The following GREB1 variants were observed in gnomAD, a reference collection of about 807,000 sequenced individuals.
GREB1 encodes the protein growth regulating estrogen receptor binding 1, also known as protein GREB1.
Under a neutral mutation model 200.7 loss-of-function variants are expected in GREB1, and 106 were observed. The observed-to-expected ratio is 0.53, with a 90% confidence interval of 0.45 to 0.62. The LOEUF is 0.62. GREB1 is among the 20% of genes least tolerant of loss of function. The pLI, the probability that GREB1 is intolerant of heterozygous loss-of-function variation, is 0.00. For missense variants in GREB1, 2,243 were observed against 2,556.8 expected, an observed-to-expected ratio of 0.88 and a Z score of 2.65; for synonymous variants, 1,132 against 1,092.4, an observed-to-expected ratio of 1.04 and a Z score of -0.72.
rs369760105 is a variant in GREB1 at position 11,627,036 on chromosome 2, G to C, written c.4381G>C (p.Ala1461Pro). 1 of 1,613,828 alleles carries C rather than the reference G, an allele frequency of 6.2e-7. No individual in the cohort carries two copies. The highest frequency in any genetic ancestry group is 2.2e-5 in the East Asian group (1 of 44,892). ...GGCACGGATGAGACTGTCCAAGTAC[G>C]CAGCGTACAACACTTACCACCACTG... ...QTARMRLSKYAAYNTYHHCEQ... is the reference protein window; with the variant it reads ...QTARMRLSKYPAYNTYHHCEQ... Residue 1461 changes from alanine to proline, a missense_variant, in exon 25 of 33, where the codon GCA becomes CCA. By Grantham distance (27) the Ala-to-Pro change is conservative (BLOSUM62 -1). Transcript: ENST00000381486.
At chr2:11,587,791 G>A (rs902442298) in intron 9 of GREB1, 6 of 1,094,784 alleles carry the variant, frequency 5.5e-6, no homozygotes, top group African/African-American at 4.9e-5. Context: ...TAGCTTCACC[G>A]CTTCACCTGG....
intron 19 of GREB1, among the ~76,000 whole-genome samples, chr2:11,613,038 T>C (rs1683077681): frequency 6.6e-6 from 1 of 152,202 alleles, no homozygotes; most frequent in South Asian, 2.1e-4. Context: ...GCCTGGGCCC[T>C]CCCGGCTTAG....
intron 2 of GREB1, chr2:11,561,271 A>G (rs551617025): frequency 6.6e-6 from 1 of 151,692 alleles, no homozygotes; most frequent in Non-Finnish European, 1.5e-5. Context: ...CTACATCCAT[A>G]CCATACCTGA....
intron 3 of GREB1, among the ~76,000 whole-genome samples, chr2:11,563,734 A>G (rs1164342171): frequency 6.6e-6 from 1 of 152,216 alleles, no homozygotes; most frequent in East Asian, 1.9e-4. Flanking sequence ...AATGCCTACT[A>G]TGTTCAGGCA....
At chr2:11,506,935 G>A (rs1673196909) in intron 1 of GREB1, among the ~76,000 whole-genome samples, 1 of 152,134 alleles carries the variant, frequency 6.6e-6, no homozygotes, top group African/African-American at 2.4e-5. Flanking sequence ...AATACAACAT[G>A]TGTTACATCC....
Position 11,640,310 on chromosome 2 carries a change from C to A in GREB1, c.5706C>A (p.Ile1902=). The A allele has an allele frequency of 6.2e-7, 1 of 1,612,786 alleles. No homozygotes were observed. Among genetic ancestry groups the A allele is most frequent in the Non-Finnish European group, 8.5e-7 (1 of 1,179,360 alleles). Residue 1902 remains isoleucine, a synonymous_variant, in exon 33 of 33, where the codon ATC becomes ATA. Coordinates refer to ENST00000381486, the MANE Select transcript of GREB1 (RefSeq NM_014668.4). The surrounding 1 kb of genome is among the most constrained non-coding windows in gnomAD (Gnocchi z 4.6). The part of the protein sequence containing the change: ...HFLKGATLCV[I]CQDRSSLRQT... Reference sequence around the variant, plus strand: ...ACGCAGGTGCGACGTTGTGTGTCATCTGTCAGGACCGGAGCTCACTGCGCC... The same window carrying A: ...ACGCAGGTGCGACGTTGTGTGTCATATGTCAGGACCGGAGCTCACTGCGCC...
intron 1 of GREB1, among the ~76,000 whole-genome samples, chr2:11,528,507 T>C (rs560938292): frequency 2.0e-5 from 3 of 152,338 alleles, no homozygotes; most frequent in East Asian, 3.9e-4. Flanking sequence ...AATTTTTTTT[T>C]TGAGATTGAG....
intron 22 of GREB1, among the ~76,000 whole-genome samples, chr2:11,619,246 G>C (rs954033095): frequency 6.6e-6 from 1 of 152,158 alleles, no homozygotes; most frequent in Non-Finnish European, 1.5e-5. Flanking sequence ...CAAAACTCTG[G>C]GTTCTCCACT....
rs898928927 is a variant in GREB1, at chr2:11,585,771, G to C, written c.1025G>C (p.Gly342Ala). ...TCTTGGGTGTTCCTAGAGAGCGCAG[G>C]CATGTCCTGCGTGCCGCAGGTTGGC... ...GGNRAKYESAGMSCVPQVGLV... is the reference protein window; with the variant it reads ...GGNRAKYESAAMSCVPQVGLV... Residue 342 changes from glycine to alanine, a missense_variant, in exon 9 of 33, where the codon GGC (glycine) becomes GCC (alanine). Physicochemically the swap from Gly to Ala is moderately conservative, Grantham distance 60. This residue lies in a region of GREB1 where 1,178 missense variants were observed against 1,387.4 expected (regional missense o/e 0.85). Coordinates refer to ENST00000381486, the MANE Select transcript of GREB1 (RefSeq NM_014668.4). 3 of 1,612,960 alleles carry C rather than the reference G, an allele frequency of 1.9e-6. No homozygotes were observed. The highest frequency in any genetic ancestry group is 1.3e-5 in the African/African-American group (1 of 74,912).
Position 11,637,824 on chromosome 2 carries a change from C to T in GREB1, c.5455C>T (p.Gln1819Ter). The T allele has an allele frequency of 6.2e-7, 1 of 1,614,216 alleles. No homozygotes were observed. The change falls in exon 31 of 33, where the codon CAG becomes TAG. Residue 1819 changes from glutamine to a stop codon, truncating the protein, a stop_gained. Coordinates refer to ENST00000381486, the MANE Select transcript of GREB1 (RefSeq NM_014668.4). LOFTEE classifies it high-confidence loss of function. The part of the protein sequence containing the change: ...PAQLLLEKFL[Q>*]HHSHLFFPLS... The stretch of plus-strand genomic sequence containing the variant: ...CCAGCTCCTGCTGGAGAAGTTCCTG[C>T]AGCACCACAGCCACCTCTTCTTCCC...
At chr2:11,539,497 G>A (rs1368008737) in intron 1 of GREB1, among the ~76,000 whole-genome samples, 1 of 152,200 alleles carries the variant, frequency 6.6e-6, no homozygotes, top group African/African-American at 2.4e-5. Context: ...GTAGTCCTTC[G>A]GAGGCAAGCC....
At chr2:11,638,862 G>C (rs1558679748) in intron 32 of GREB1, 53 bp downstream of exon 32, 2 of 1,586,328 alleles carry the variant, frequency 1.3e-6, no homozygotes, top group African/African-American at 1.4e-5. Context: ...TGTAGTCACC[G>C]GGTACCCTGA....
rs565667451 is a variant in GREB1 at position 11,633,489 on chromosome 2, G to A, written c.4991+426G>A. 1.4e-4 allele frequency among the ~76,000 whole-genome samples: 22 copies of A among 151,774 alleles called. No individual in the cohort carries two copies. Among genetic ancestry groups the A allele is most frequent in the South Asian group, 2.1e-4 (1 of 4,786 alleles). On this transcript the variant is annotated intron_variant, in intron 28 of 32. Coordinates refer to ENST00000381486, the MANE Select transcript of GREB1 (RefSeq NM_014668.4). The surrounding 1 kb of genome is among the most constrained non-coding windows in gnomAD (Gnocchi z 4.1). ...TGAGGCAGAAGCATGGCGTGAACCCGGGAGGCGGAGCTTGTAGTAAGTGGA... is the reference window on the plus strand; with the variant it reads ...TGAGGCAGAAGCATGGCGTGAACCCAGGAGGCGGAGCTTGTAGTAAGTGGA...
chr2:11,597,490 C>A lies in GREB1; in HGVS notation c.1955-291C>A, dbSNP rs544185589. 1.6e-3 allele frequency among the ~76,000 whole-genome samples: 242 copies of A among 152,214 alleles called. 1 individual carries two copies. The highest frequency in any genetic ancestry group is 2.8e-3 in the Non-Finnish European group (191 of 68,014). On this transcript the variant is annotated intron_variant, in intron 13 of 32. Transcript: ENST00000381486. This position sits in a 1 kb window ranked among gnomAD's most constrained non-coding sequence, Gnocchi z 4.1. ...AGCATCACCTCCCCTGGGATAGGCTCCTTGTCCCCTCTAAGCAGAAGAGAC... is the reference window on the plus strand; with the variant it reads ...AGCATCACCTCCCCTGGGATAGGCTACTTGTCCCCTCTAAGCAGAAGAGAC...
intron 1 of GREB1, among the ~76,000 whole-genome samples, chr2:11,491,096 C>G (rs535728653): frequency 9.8e-5 from 15 of 152,304 alleles, no homozygotes; most frequent in African/African-American, 3.6e-4. Flanking sequence ...GGAGAGGTCT[C>G]TCACTGGGGC....
rs764665381 is a variant in GREB1 at position 11,593,017 on chromosome 2, C to G, written c.1587C>G (p.Leu529=). ...IECAYSLAEG[L]SEMFRLLVEG... ...GTGCTTACTCCCTGGCCGAGGGCCT[C>G]TCCGAGATGTTCCGGCTGTTGGTCG... Residue 529 remains leucine, a synonymous_variant, in exon 11 of 33, where the codon CTC becomes CTG. Transcript: ENST00000381486. 2 of 1,613,158 alleles carry G rather than the reference C, an allele frequency of 1.2e-6. No individual in the cohort carries two copies. Among genetic ancestry groups the G allele is most frequent in the Non-Finnish European group, 1.7e-6 (2 of 1,179,706 alleles).
chr2:11,539,795 A>ATTTTTTTTTTTTTTTTTTTTTTTTTT (rs66629142), intron 1 of GREB1: 1 of 121,280 alleles, frequency 8.2e-6, no homozygotes. Flanking sequence ...CTACTGCTGA[A>ATTTTTTTTTTTTTTTTTTTTTTTTTT]TTTTTTTTTT....
At chr2:11,554,308 C>G (rs1232351877) in intron 1 of GREB1, among the ~76,000 whole-genome samples, 4 of 152,166 alleles carry the variant, frequency 2.6e-5, no homozygotes, top group Non-Finnish European at 5.9e-5. Context: ...TTGCCACAAG[C>G]AGGAAGTGGT....
In GREB1 at chr2:11,537,690, C is replaced by G. The variant is rs535365381; in HGVS notation, c.-162+3436C>G. ...AAAATATTTTATATATTATATATTA[C>G]ATAAATATCATATATTAGATAAATA... On this transcript the variant is annotated intron_variant, in intron 1 of 32. Coordinates refer to ENST00000381486, the MANE Select transcript of GREB1 (RefSeq NM_014668.4). 6.1e-3 allele frequency among the ~76,000 whole-genome samples: 885 copies of G among 145,418 alleles called. 6 individuals carry two copies. The highest frequency in any genetic ancestry group is 0.021 in the African/African-American group (828 of 40,038).
Sources: allele counts gnomAD v4.1 joint callset (sites outside exome capture counted in the v4.1 genomes callset), GRCh38; gene constraint gnomAD v4.1.1; regional missense constraint gnomAD v4.1.1; non-coding constraint Gnocchi (gnomAD v3.1); transcripts MANE v1.5; gene names NCBI Gene and HGNC (gene_info 2026-07-23, HGNC 2026-07-21).